Variants in NFIC observed in about 807,000 individuals in gnomAD.
NFIC encodes nuclear factor I C, also known as nuclear factor 1 C-type.
NFIC carries 12 observed loss-of-function variants against 54.4 expected under a neutral mutation model. That is an observed-to-expected ratio of 0.22 (90% confidence interval 0.14 to 0.36). The LOEUF is 0.36. Ranked by LOEUF, NFIC falls within the 10% of genes least tolerant of loss-of-function variation. The probability of loss-of-function intolerance (pLI) is 1.00; values close to 1 mark genes in which losing one functional copy is unlikely to be tolerated. For synonymous variants in NFIC, 322 were observed against 319.2 expected (o/e 1.01, Z -0.09); for missense variants, 575 against 718.2 (o/e 0.80, Z 2.28).
intron 2 of NFIC, among the ~76,000 whole-genome samples, chr19:3,413,616 A>T (rs2081800709): frequency 6.6e-6 from 1 of 152,066 alleles, no homozygotes; most frequent in South Asian, 2.1e-4. Flanking sequence ...AGCCGAACCT[A>T]GTCAAAGGAA....
Position 3,463,659 on chromosome 19 carries a change from ACC to A in NFIC, c.*891_*892del. On this transcript the variant is annotated 3_prime_UTR_variant, in exon 11 of 11. Coordinates refer to ENST00000443272, the MANE Select transcript of NFIC (RefSeq NM_001245002.2). ...CACCCCCGGCATAGGAGGCCCCCCC[ACC>A]TCGCCCGGCTCACACCCCCAAAGGG... 1 of 592,194 alleles carries A rather than the reference ACC, an allele frequency of 1.7e-6. No homozygotes were observed. The highest frequency in any genetic ancestry group is 8.4e-5 in the South Asian group (1 of 11,860). 36.7% of individuals were successfully genotyped at this position (592,194 alleles called of 1,614,324 possible). A position where few individuals can be genotyped will look rare whatever the true frequency, so the allele number is the denominator to read the frequency against.
intron 6 of NFIC, among the ~76,000 whole-genome samples, chr19:3,439,048 C>T (rs2082250659): frequency 6.6e-6 from 1 of 151,928 alleles, no homozygotes; most frequent in Non-Finnish European, 1.5e-5. Context: ...AGCTGTGTGA[C>T]ATTTGGCAGG....
chr19:3,424,186 C>T (rs2081993067), intron 2 of NFIC, among the ~76,000 whole-genome samples: 1 of 151,840 alleles, frequency 6.6e-6, no homozygotes. Context: ...TGCCACCATG[C>T]CCGGCTAATT....
intron 9 of NFIC, among the ~76,000 whole-genome samples, chr19:3,455,702 CGGT>C (rs1329209909): frequency 6.6e-6 from 1 of 151,800 alleles, no homozygotes. Context: ...ACTCAGGGCT[CGGT>C]GGGATTATGC....
chr19:3,453,856 C>T lies in NFIC; in HGVS notation c.1363C>T (p.Pro455Ser), dbSNP rs1372157639. The T allele has an allele frequency of 1.3e-6, 2 of 1,570,900 alleles. No individual in the cohort carries two copies. Among genetic ancestry groups the T allele is most frequent in the South Asian group, 1.2e-5 (1 of 85,954 alleles). ...CCCGGGGCTGCCACGGCTGGCGCTC[C>T]CCCCTGCCACCAAACCCGCCACCAC... ...PPPGLPRLALPPATKPATTSE... is the reference protein window; with the variant it reads ...PPPGLPRLALSPATKPATTSE... The change falls in exon 9 of 11, where the codon CCC becomes TCC. Residue 455 changes from proline to serine, a missense_variant. Pro to Ser is a moderately conservative substitution (Grantham distance 74, BLOSUM62 -1). Transcript: ENST00000443272. This position sits in a 1 kb window ranked among gnomAD's most constrained non-coding sequence, Gnocchi z 6.7.
intron 9 of NFIC, 67 bp from the exon 10 acceptor site, chr19:3,456,483 G>T: frequency 6.7e-7 from 1 of 1,494,402 alleles, no homozygotes; most frequent in South Asian, 1.2e-5. Flanking sequence ...ACCCTCTCTG[G>T]GGCCAGGGCC....
chr19:3,460,583 G>A (rs979060319), intron 10 of NFIC, among the ~76,000 whole-genome samples: 18 of 151,968 alleles, frequency 1.2e-4, no homozygotes, highest in African/African-American at 4.1e-4. Flanking sequence ...GCACGATCTT[G>A]GCTGACTACA....
chr19:3,416,001 T>A (rs2081847229), intron 2 of NFIC, among the ~76,000 whole-genome samples: 1 of 151,502 alleles, frequency 6.6e-6, no homozygotes, highest in Admixed American at 6.6e-5. Flanking sequence ...TACAAAAAAA[T>A]GTTTGTTAAA....
chr19:3,360,369 C>T (rs1409786974), intron 1 of NFIC, among the ~76,000 whole-genome samples: 3 of 150,532 alleles, frequency 2.0e-5, no homozygotes, highest in Non-Finnish European at 4.4e-5. Flanking sequence ...CGCGCGGGGT[C>T]CCCAGCTGGG....
intron 2 of NFIC, among the ~76,000 whole-genome samples, chr19:3,399,031 G>A (rs1254185496): frequency 6.6e-6 from 1 of 152,214 alleles, no homozygotes; most frequent in Non-Finnish European, 1.5e-5. Flanking sequence ...CAGTGCTTGG[G>A]CAGAGGCTTG....
intron 2 of NFIC, among the ~76,000 whole-genome samples, chr19:3,387,583 G>A (rs1234951002): frequency 6.6e-6 from 1 of 152,124 alleles, no homozygotes; most frequent in African/African-American, 2.4e-5. Context: ...GGGGCTGGGG[G>A]CCACTCTGGA....
intron 2 of NFIC, among the ~76,000 whole-genome samples, chr19:3,417,388 A>G (rs1408292310): frequency 6.6e-6 from 1 of 152,152 alleles, no homozygotes; most frequent in Non-Finnish European, 1.5e-5. Flanking sequence ...CCAACCTTAC[A>G]AATTGAGCAG....
intron 10 of NFIC, chr19:3,456,981 G>A (rs958144938): frequency 3.2e-5 from 12 of 373,680 alleles, no homozygotes; most frequent in Non-Finnish European, 5.2e-5. Context: ...AGACAAGGGG[G>A]TCTGCCCAGG....
chr19:3,398,669 AC>A (rs1431689265), intron 2 of NFIC, among the ~76,000 whole-genome samples: 2 of 151,856 alleles, frequency 1.3e-5, no homozygotes, highest in African/African-American at 4.9e-5. Flanking sequence ...CCGGGTGGCT[AC>A]GACGCTCCCG....
intron 2 of NFIC, among the ~76,000 whole-genome samples, chr19:3,404,731 C>G (rs535164937): frequency 9.2e-5 from 14 of 152,328 alleles, no homozygotes; most frequent in Non-Finnish European, 1.8e-4. Flanking sequence ...AAATGGCCGC[C>G]AGAGGGATGA....
chr19:3,456,419 G>T, intron 9 of NFIC, 131 bp from the exon 10 acceptor site: 5 of 816,110 alleles, frequency 6.1e-6, no homozygotes, highest in Non-Finnish European at 7.7e-6. Context: ...GGCAGGCTCG[G>T]AGGCCCCAGG....
chr19:3,386,501 T>C (rs2081299258), intron 2 of NFIC, among the ~76,000 whole-genome samples: 1 of 151,946 alleles, frequency 6.6e-6, no homozygotes, highest in Non-Finnish European at 1.5e-5. Context: ...TTTTGTATTT[T>C]TAGTAGAGAC....
At chr19:3,420,577 A>AAATAAATAAATG (rs1326307989) in intron 2 of NFIC, among the ~76,000 whole-genome samples, 1 of 151,690 alleles carries the variant, frequency 6.6e-6, no homozygotes, top group Non-Finnish European at 1.5e-5. Context: ...ATAAATAAAT[A>AAATAAATAAATG]AATAAATAAA....
intron 2 of NFIC, among the ~76,000 whole-genome samples, chr19:3,398,235 C>T (rs1027573414): frequency 1.3e-5 from 2 of 152,166 alleles, no homozygotes; most frequent in South Asian, 2.1e-4. Flanking sequence ...CAGAGAGCTA[C>T]GCAAGGATTG....
Sources: allele counts gnomAD v4.1 joint callset (sites outside exome capture counted in the v4.1 genomes callset), GRCh38; gene constraint gnomAD v4.1.1; non-coding constraint Gnocchi (gnomAD v3.1); transcripts MANE v1.5; gene names NCBI Gene and HGNC (gene_info 2026-07-23, HGNC 2026-07-21).